EPB41L2: variants seen among roughly 807,000 people sequenced by gnomAD.
EPB41L2 encodes the protein band 4.1-like protein 2.
In EPB41L2, 43 loss-of-function variants were observed where a neutral mutation model predicts 113.0. That is an observed-to-expected ratio of 0.38 (90% CI 0.30 to 0.49). EPB41L2 has a LOEUF of 0.49. Among genes scored for constraint, EPB41L2 ranks in the 20% least tolerant of loss-of-function variants. EPB41L2 has a pLI of 0.95. For missense variants in EPB41L2, 1,147 were observed against 1,223.4 expected, an observed-to-expected ratio of 0.94 and a Z score of 0.93; for synonymous variants, 442 against 436.7, an observed-to-expected ratio of 1.01 and a Z score of -0.15.
chr6:131,022,280 C>T (rs969413680), intron 1 of EPB41L2, among the ~76,000 whole-genome samples: 11 of 152,160 alleles, frequency 7.2e-5, no homozygotes, highest in African/African-American at 2.7e-4. Context: ...CTACCCCTTA[C>T]CTCCTGCTGT....
At chr6:130,900,837 A>T in intron 7 of EPB41L2, 125 bp downstream of exon 7, 1 of 1,049,668 alleles carries the variant, frequency 9.5e-7, no homozygotes, top group Non-Finnish European at 1.4e-6. Flanking sequence ...GATTAGTGCT[A>T]GGTGAAACTC....
chr6:130,852,707 C>T (rs1211891918), intron 19 of EPB41L2, among the ~76,000 whole-genome samples: 2 of 152,176 alleles, frequency 1.3e-5, no homozygotes, highest in East Asian at 1.9e-4. Flanking sequence ...GGAGGAGCAA[C>T]CCCATCACTT....
intron 1 of EPB41L2, among the ~76,000 whole-genome samples, chr6:131,030,195 C>T (rs1791841073): frequency 6.6e-6 from 1 of 152,140 alleles, no homozygotes; most frequent in Non-Finnish European, 1.5e-5. Flanking sequence ...GGGCCTGATC[C>T]CTTCCTTGAC....
At chr6:130,904,167 CAAATATT>C (rs1231862155) in intron 6 of EPB41L2, among the ~76,000 whole-genome samples, 4 of 151,956 alleles carry the variant, frequency 2.6e-5, no homozygotes, top group Non-Finnish European at 4.4e-5. Context: ...ATTAAAATCT[CAAATATT>C]AAATATTAGT....
chr6:130,842,477 T>C (rs1191817995), intron 19 of EPB41L2, among the ~76,000 whole-genome samples: 1 of 152,152 alleles, frequency 6.6e-6, no homozygotes, highest in Non-Finnish European at 1.5e-5. Flanking sequence ...TTCCATTTGC[T>C]TTGTTTAGTA....
At chr6:130,908,459 G>A (rs886755046) in intron 5 of EPB41L2, among the ~76,000 whole-genome samples, 1 of 152,112 alleles carries the variant, frequency 6.6e-6, no homozygotes, top group Non-Finnish European at 1.5e-5. Flanking sequence ...AACTAATTAT[G>A]CACTTTCAAA....
chr6:130,912,588 G>A (rs553685715), intron 4 of EPB41L2, among the ~76,000 whole-genome samples: 12 of 152,260 alleles, frequency 7.9e-5, no homozygotes, highest in South Asian at 2.1e-4. Context: ...CACTACTGAC[G>A]TGAGGGGCAG....
chr6:130,867,048 G>C (rs1783993372), intron 16 of EPB41L2, among the ~76,000 whole-genome samples: 1 of 152,150 alleles, frequency 6.6e-6, no homozygotes, highest in Non-Finnish European at 1.5e-5. Flanking sequence ...CACGGAGTTA[G>C]AGAGGGAAAG....
intron 1 of EPB41L2, among the ~76,000 whole-genome samples, chr6:130,965,208 C>A (rs1774752720): frequency 1.3e-5 from 2 of 152,118 alleles, no homozygotes; most frequent in Admixed American, 1.3e-4. Flanking sequence ...ATGAAAGAAT[C>A]CTGCTCTCAG....
intron 3 of EPB41L2, among the ~76,000 whole-genome samples, chr6:130,945,873 T>C (rs1478819404): frequency 6.6e-6 from 1 of 152,108 alleles, no homozygotes; most frequent in Non-Finnish European, 1.5e-5. Context: ...ACTGAGTATG[T>C]AAATGACCTT....
At chr6:131,047,666 C>A (rs1445340769) in intron 1 of EPB41L2, among the ~76,000 whole-genome samples, 1 of 152,148 alleles carries the variant, frequency 6.6e-6, no homozygotes, top group Non-Finnish European at 1.5e-5. Flanking sequence ...ACCTTCCCCT[C>A]GATACTGCCA....
At chr6:131,003,286 T>C (rs1032229647) in intron 1 of EPB41L2, among the ~76,000 whole-genome samples, 1 of 152,224 alleles carries the variant, frequency 6.6e-6, no homozygotes, top group African/African-American at 2.4e-5. Context: ...GAATGTAGCA[T>C]ACAAAGATAA....
intron 19 of EPB41L2, among the ~76,000 whole-genome samples, chr6:130,855,267 C>T (rs1365833274): frequency 6.6e-6 from 1 of 152,044 alleles, no homozygotes. Context: ...GGCAGAATTG[C>T]TTGAACCTGG....
chr6:130,861,655 T>A (rs1782111783), intron 18 of EPB41L2, among the ~76,000 whole-genome samples: 1 of 151,972 alleles, frequency 6.6e-6, no homozygotes, highest in Non-Finnish European at 1.5e-5. Flanking sequence ...GTGGATAACC[T>A]GAGGTCAGGA....
chr6:130,938,328 A>G (rs1171029587), intron 3 of EPB41L2, among the ~76,000 whole-genome samples: 1 of 152,214 alleles, frequency 6.6e-6, no homozygotes, highest in Non-Finnish European at 1.5e-5. Context: ...CATTTTTTCC[A>G]AGTAAAAGTT....
intron 3 of EPB41L2, among the ~76,000 whole-genome samples, chr6:130,936,664 G>A (rs1461534187): frequency 1.3e-5 from 2 of 151,972 alleles, no homozygotes; most frequent in Non-Finnish European, 2.9e-5. Flanking sequence ...TAAGAAAGCT[G>A]GTAAAATCCT....
chr6:130,926,135 A>G (rs1313420513), intron 4 of EPB41L2, among the ~76,000 whole-genome samples: 2 of 152,182 alleles, frequency 1.3e-5, no homozygotes, highest in African/African-American at 4.8e-5. Flanking sequence ...ATCCTCAGAC[A>G]GAATCGTTCC....
chr6:130,853,560 G>A (rs1333095995), intron 19 of EPB41L2, among the ~76,000 whole-genome samples: 2 of 152,218 alleles, frequency 1.3e-5, no homozygotes, highest in African/African-American at 4.8e-5. Flanking sequence ...CTCATCTGAA[G>A]TGTGTTTTCT....
chr6:130,854,456 A>G (rs750440437), intron 19 of EPB41L2, among the ~76,000 whole-genome samples: 1 of 152,178 alleles, frequency 6.6e-6, no homozygotes, highest in African/African-American at 2.4e-5. Context: ...TGAGATGGGC[A>G]AACTTCAAAA....
Sources: allele counts gnomAD v4.1 joint callset (sites outside exome capture counted in the v4.1 genomes callset), GRCh38; gene constraint gnomAD v4.1.1; transcripts MANE v1.5; gene names NCBI Gene and HGNC (gene_info 2026-07-23, HGNC 2026-07-21).